MXRA5: variants seen among roughly 807,000 people sequenced by gnomAD.
MXRA5 encodes matrix-remodeling-associated protein 5.
In MXRA5, 41 loss-of-function variants were observed where a neutral mutation model predicts 112.5. The ratio of observed to expected loss-of-function variants is 0.36; its 90% CI spans 0.28 to 0.47. MXRA5 has a LOEUF of 0.47. Among genes scored for constraint, MXRA5 ranks in the 20% least tolerant of loss-of-function variants. The pLI is 0.99. For missense variants in MXRA5, 2,150 were observed against 2,251.0 expected, an observed-to-expected ratio of 0.96 and a Z score of 0.91; for synonymous variants, 862 against 900.8, an observed-to-expected ratio of 0.96 and a Z score of 0.77.
chrX:3,329,666 G>T (rs1216513840), intron 4 of MXRA5, among the ~76,000 whole-genome samples: 1 of 111,429 alleles, frequency 9.0e-6, no homozygotes, highest in Non-Finnish European at 1.9e-5. Flanking sequence ...ATGGAACATG[G>T]ATTCACAGCC....
chrX:3,337,792 TC>T (rs913430311), intron 2 of MXRA5, among the ~76,000 whole-genome samples: 6 of 111,101 alleles, frequency 5.4e-5, no homozygotes, highest in African/African-American at 2.0e-4. Context: ...ACAGAACATT[TC>T]CGAATGTATT....
Position 3,323,016 on chromosome X carries a change from T to C in MXRA5, c.2669A>G (p.Asp890Gly), listed in dbSNP as rs780302908. Residue 890 changes from aspartate (D) to glycine (G), a missense_variant, in exon 5 of 7, where the codon GAC (aspartate) becomes GGC (glycine). Coordinates refer to ENST00000217939, the MANE Select transcript of MXRA5 (RefSeq NM_015419.4). ...TATCTCCTCAGTCTTCTCGGAAAGG[T>C]CATCAACAACTTCCTCCAGAGGTGT... ...TSTPLEEVVD[D>G]LSEKTEEITS... The C allele has an allele frequency of 1.7e-6, 2 of 1,211,614 alleles. No homozygotes were observed. Among genetic ancestry groups the C allele is most frequent in the Non-Finnish European group, 2.2e-6 (2 of 895,431 alleles).
At chrX:3,340,698 T>G (rs1921896856) in intron 2 of MXRA5, among the ~76,000 whole-genome samples, 1 of 109,905 alleles carries the variant, frequency 9.1e-6, no homozygotes, top group East Asian at 2.8e-4. Context: ...ATTTAGAGGT[T>G]AGTTATGTTT....
At position 3,317,241 on chromosome X, in the gene MXRA5, C is replaced by G; in HGVS notation, c.6440G>C (p.Arg2147Pro). Reference sequence around the variant, plus strand: ...CCTCCGCGGGGAGGTGCCCGTGATGCGCGCGTTGGCTGCTGCACGCTGCAC... The same window carrying G: ...CCTCCGCGGGGAGGTGCCCGTGATGGGCGCGTTGGCTGCTGCACGCTGCAC... Reference protein sequence around the residue: ...LNVQRAAANARITGTSPRRTD... With the variant: ...LNVQRAAANAPITGTSPRRTD... The change falls in exon 6 of 7, where the codon CGC becomes CCC. Residue 2147 changes from arginine to proline, a missense_variant. By Grantham distance (103) the Arg-to-Pro change is moderately radical (BLOSUM62 -2). This residue lies in a region of MXRA5 where 1,485 missense variants were observed against 1,471.6 expected (regional missense o/e 1.01). Coordinates refer to ENST00000217939, the MANE Select transcript of MXRA5 (RefSeq NM_015419.4). The G allele has an allele frequency of 8.3e-7, 1 of 1,210,900 alleles. No homozygotes were observed. The highest frequency in any genetic ancestry group is 1.1e-6 in the Non-Finnish European group (1 of 895,208).
At position 3,324,753 on chromosome X, in the gene MXRA5, A is replaced by G. The variant is rs777849698; in HGVS notation, c.932T>C (p.Phe311Ser). The G allele has an allele frequency of 1.7e-6, 2 of 1,208,799 alleles. No homozygotes were observed. Among genetic ancestry groups the G allele is most frequent in the East Asian group, 3.0e-5 (1 of 33,757 alleles). ...DGGSQLILEK[F>S]QLPQWSISLN... is the part of the protein sequence containing the mutation. ...AGAGATGCTCCACTGGGGCAGTTGG[A>G]ATTTCTCCAGGATGAGCTGGCTGCC... is the stretch of plus-strand genomic sequence containing the variant. The change falls in exon 5 of 7, where the codon TTC becomes TCC. Residue 311 changes from phenylalanine (F) to serine (S), a missense_variant. Coordinates refer to ENST00000217939, the MANE Select transcript of MXRA5 (RefSeq NM_015419.4).
At chrX:3,335,165 CATTTTTT>C (rs1369874044) in intron 2 of MXRA5, among the ~76,000 whole-genome samples, 2 of 111,194 alleles carry the variant, frequency 1.8e-5, no homozygotes, top group African/African-American at 3.3e-5. Flanking sequence ...ACTAAGTTGC[CATTTTTT>C]ATTTTTTATT....
intron 2 of MXRA5, among the ~76,000 whole-genome samples, chrX:3,336,900 C>T (rs773291536): frequency 1.4e-4 from 16 of 111,623 alleles, no homozygotes; most frequent in South Asian, 1.2e-3. Context: ...CATTCTGCAA[C>T]GCAGTCACAG....
chrX:3,340,491 T>C (rs1324791290), intron 2 of MXRA5, among the ~76,000 whole-genome samples: 1 of 111,960 alleles, frequency 8.9e-6, no homozygotes, highest in East Asian at 2.8e-4. Flanking sequence ...GTAATAGATG[T>C]TGATGCAGTG....
chrX:3,340,994 C>A (rs554844769), intron 2 of MXRA5, among the ~76,000 whole-genome samples: 9 of 70,927 alleles, frequency 1.3e-4, no homozygotes, highest in Admixed American at 4.2e-4. Flanking sequence ...TATTATATAT[C>A]ATGTATAATA....
In MXRA5 at chrX:3,320,123, T is replaced by C. The variant is rs1179197041; in HGVS notation, c.5562A>G (p.Gln1854=). 3.3e-6 allele frequency: 4 copies of C among 1,211,152 alleles called. No homozygotes were observed. ...SKFWSLGEKP[Q]ILTKSPQTVS... Reference sequence around the variant, plus strand: ...CAGTCTGTGGGGACTTGGTGAGGATTTGTGGCTTTTCCCCAAGAGACCAGA... The same window carrying C: ...CAGTCTGTGGGGACTTGGTGAGGATCTGTGGCTTTTCCCCAAGAGACCAGA... The change falls in exon 5 of 7, where the codon CAA becomes CAG. Residue 1854 remains glutamine, a synonymous_variant. Coordinates refer to ENST00000217939, the MANE Select transcript of MXRA5 (RefSeq NM_015419.4).
rs771531768 is a variant in MXRA5 at position 3,310,080 on chromosome X, G to A, written c.8123C>T (p.Thr2708Ile). ...CTCCGTCTCCATCCTGCATACATAG[G>A]TACCCCTGTCAAACACCGAGGCCTC... The part of the protein sequence containing the change: ...VREASVFDRG[T>I]YVCRMETEYG... The change falls in exon 7 of 7, where the codon ACC becomes ATC. Residue 2708 changes from threonine to isoleucine, a missense_variant. Around this residue, in one of 6 missense-constraint regions of MXRA5, gnomAD observed 178 missense variants for 198.2 expected, o/e 0.90. Coordinates refer to ENST00000217939, the MANE Select transcript of MXRA5 (RefSeq NM_015419.4). 25 of 1,209,209 alleles carry A rather than the reference G, an allele frequency of 2.1e-5. No individual in the cohort carries two copies. The highest frequency in any genetic ancestry group is 2.6e-5 in the Non-Finnish European group (23 of 894,935).
chrX:3,335,172 T>A (rs1313323542), intron 2 of MXRA5, among the ~76,000 whole-genome samples: 4 of 111,699 alleles, frequency 3.6e-5, no homozygotes, highest in African/African-American at 1.3e-4. Context: ...TGCCATTTTT[T>A]ATTTTTTATT....
intron 2 of MXRA5, among the ~76,000 whole-genome samples, chrX:3,335,505 T>C (rs1432704198): frequency 8.9e-6 from 1 of 112,721 alleles, no homozygotes; most frequent in African/African-American, 3.2e-5. Flanking sequence ...CCGCCATTTT[T>C]ATTTTTAAAA....
At chrX:3,314,186 T>C (rs1189512104) in intron 6 of MXRA5, among the ~76,000 whole-genome samples, 1 of 112,350 alleles carries the variant, frequency 8.9e-6, no homozygotes, top group Non-Finnish European at 1.9e-5. Flanking sequence ...GGTCCTCTAT[T>C]TTTTGAAACG....
chrX:3,317,108 G>C lies in MXRA5; in HGVS notation c.6573C>G (p.Leu2191=). Residue 2191 remains leucine, a synonymous_variant, in exon 6 of 7, where the codon CTC becomes CTG. Coordinates refer to ENST00000217939, the MANE Select transcript of MXRA5 (RefSeq NM_015419.4). ...RLPSKRMIDA[L]FSFDSRIKVF... ...AGCCACGCAGAGCTGCCTACCTGAA[G>C]AGCGCGTCGATCATCCTCTTGGACG... The C allele has an allele frequency of 8.6e-7, 1 of 1,157,325 alleles. No homozygotes were observed. The highest frequency in any genetic ancestry group is 1.2e-6 in the Non-Finnish European group (1 of 867,179).
chrX:3,317,443 G>A lies in MXRA5; in HGVS notation c.6238C>T (p.Arg2080Cys), dbSNP rs369845818. The change falls in exon 6 of 7, where the codon CGC (arginine) becomes TGC (cysteine). Residue 2080 changes from arginine to cysteine, a missense_variant. Physicochemically the swap from Arg to Cys is radical, Grantham distance 180 (BLOSUM62 -3). Coordinates refer to ENST00000217939, the MANE Select transcript of MXRA5 (RefSeq NM_015419.4). ...TAKAAPLPSVRWVLGDGTQIR... is the reference protein window; with the variant it reads ...TAKAAPLPSVCWVLGDGTQIR... ...TGGGTACCGTCCCCGAGCACCCAGC[G>A]CACGCTGGGCAGGGGCGCAGCCTTG... The A allele has an allele frequency of 1.3e-5, 16 of 1,196,519 alleles. No individual in the cohort carries two copies. The highest frequency in any genetic ancestry group is 6.8e-5 in the Admixed American group (3 of 44,190).
At chrX:3,345,799 C>A (rs1922093793) in intron 1 of MXRA5, among the ~76,000 whole-genome samples, 1 of 113,134 alleles carries the variant, frequency 8.8e-6, no homozygotes, top group African/African-American at 3.2e-5. Flanking sequence ...CTTCCAGAGT[C>A]CGCTGGGTCG....
rs1239835446 is a variant in MXRA5, at chrX:3,320,322, G to T, written c.5363C>A (p.Pro1788Gln). Residue 1788 changes from proline (P) to glutamine (Q), a missense_variant, in exon 5 of 7, where the codon CCG becomes CAG. Pro to Gln is a moderately conservative substitution (Grantham distance 76, BLOSUM62 -1). Coordinates refer to ENST00000217939, the MANE Select transcript of MXRA5 (RefSeq NM_015419.4). The part of the protein sequence containing the change: ...FHLDFGPPAP[P>Q]LLHTPQTTGS... Reference sequence around the variant, plus strand: ...CGTGGTCTGCGGAGTGTGCAACAACGGAGGTGCCGGAGGGCCAAAGTCCAG... The same window carrying T: ...CGTGGTCTGCGGAGTGTGCAACAACTGAGGTGCCGGAGGGCCAAAGTCCAG... 8.3e-7 allele frequency: 1 copy of T among 1,211,865 alleles called. No homozygotes were observed.
intron 1 of MXRA5, among the ~76,000 whole-genome samples, chrX:3,345,825 G>T (rs1430218610): frequency 8.8e-6 from 1 of 113,004 alleles, no homozygotes; most frequent in East Asian, 2.8e-4. Flanking sequence ...AGCTGGCTGC[G>T]GGATGAATTA....
Sources: allele counts gnomAD v4.1 joint callset (sites outside exome capture counted in the v4.1 genomes callset), GRCh38; gene constraint gnomAD v4.1.1; regional missense constraint gnomAD v4.1.1; transcripts MANE v1.5; gene names NCBI Gene and HGNC (gene_info 2026-07-23, HGNC 2026-07-21).